Variants in RPS6KC1 observed in about 807,000 individuals in gnomAD.
The protein encoded by RPS6KC1 is inactive ribosomal protein S6 kinase delta-1.
RPS6KC1 carries 54 observed loss-of-function variants against 103.8 expected under a neutral mutation model. The ratio of observed to expected loss-of-function variants is 0.52; its 90% CI spans 0.42 to 0.65. The LOEUF (loss-of-function observed/expected upper bound fraction) is 0.65, where lower values mean the gene tolerates loss of function less well. Ranked by LOEUF, RPS6KC1 falls within the 30% of genes least tolerant of loss-of-function variation. RPS6KC1 has a pLI of 0.00. For missense variants in RPS6KC1, 1,151 were observed against 1,253.8 expected (o/e 0.92, Z 1.24); for synonymous variants, 439 against 438.7 (o/e 1.00, Z -0.01).
the RPS6KC1 span, among the ~76,000 whole-genome samples, chr1:213,338,061 A>C: frequency 6.6e-6 from 1 of 152,158 alleles, no homozygotes; most frequent in African/African-American, 2.4e-5. Flanking sequence ...AACCAAGAGG[A>C]GTGAACTCTT....
At chr1:213,331,591 G>A in the RPS6KC1 span, among the ~76,000 whole-genome samples, 135 of 152,322 alleles carry the variant, frequency 8.9e-4, 1 homozygote, top group African/African-American at 3.1e-3. Context: ...CTGCACCTGC[G>A]TCCTGTGCAC....
the RPS6KC1 span, among the ~76,000 whole-genome samples, chr1:213,617,610 T>C: frequency 6.6e-6 from 1 of 152,226 alleles, no homozygotes. Flanking sequence ...AGGAGGATTT[T>C]ATTTTTAAGG....
chr1:213,637,185 A>G, the RPS6KC1 span, among the ~76,000 whole-genome samples: 3 of 152,192 alleles, frequency 2.0e-5, no homozygotes, highest in Non-Finnish European at 2.9e-5. Flanking sequence ...TAGTTCAACC[A>G]TTGTGGAAGA....
the RPS6KC1 span, among the ~76,000 whole-genome samples, chr1:213,628,916 G>T: frequency 6.6e-6 from 1 of 152,126 alleles, no homozygotes; most frequent in Non-Finnish European, 1.5e-5. Context: ...TTAACCCTGA[G>T]TTCTGGTTTG....
the RPS6KC1 span, among the ~76,000 whole-genome samples, chr1:213,721,255 A>G: frequency 6.6e-6 from 1 of 152,152 alleles, no homozygotes; most frequent in Admixed American, 6.5e-5. Flanking sequence ...CTTCTTCAGC[A>G]TGTGATGTGG....
At chr1:213,603,571 T>A in the RPS6KC1 span, among the ~76,000 whole-genome samples, 8 of 152,074 alleles carry the variant, frequency 5.3e-5, no homozygotes, top group Non-Finnish European at 1.5e-5. Context: ...AGAATTTTTT[T>A]TTTTCTGGCC....
At chr1:213,140,984 C>G (rs772750721) in intron 6 of RPS6KC1, among the ~76,000 whole-genome samples, 31 of 151,722 alleles carry the variant, frequency 2.0e-4, no homozygotes, top group Non-Finnish European at 4.0e-4. Context: ...GCAACCTCCC[C>G]CTCCCGGGTT....
At chr1:213,845,590 T>G in the RPS6KC1 span, among the ~76,000 whole-genome samples, 1 of 152,332 alleles carries the variant, frequency 6.6e-6, no homozygotes, top group South Asian at 2.1e-4. Context: ...TAATACTATG[T>G]AACATTTTGG....
chr1:213,282,028 G>C, the RPS6KC1 span, among the ~76,000 whole-genome samples: 1 of 152,136 alleles, frequency 6.6e-6, no homozygotes, highest in Admixed American at 6.5e-5. Context: ...AGAATCCCTA[G>C]CCAGACTGAG....
chr1:213,244,315 A>T (rs909006083), intron 12 of RPS6KC1, among the ~76,000 whole-genome samples: 27 of 152,248 alleles, frequency 1.8e-4, no homozygotes, highest in African/African-American at 6.3e-4. Flanking sequence ...TTTAGAATCA[A>T]ACTTAATTTG....
the RPS6KC1 span, among the ~76,000 whole-genome samples, chr1:213,778,590 G>A: frequency 6.6e-6 from 1 of 151,822 alleles, no homozygotes; most frequent in Non-Finnish European, 1.5e-5. Context: ...CCATCTGGTT[G>A]TTTAGGTGAG....
chr1:213,093,687 T>C (rs1418384434), intron 3 of RPS6KC1, among the ~76,000 whole-genome samples: 1 of 152,210 alleles, frequency 6.6e-6, no homozygotes, highest in Non-Finnish European at 1.5e-5. Flanking sequence ...GTTAACTATT[T>C]ACTGCCAGTG....
At chr1:213,750,934 A>T in the RPS6KC1 span, among the ~76,000 whole-genome samples, 1 of 152,200 alleles carries the variant, frequency 6.6e-6, no homozygotes, top group Non-Finnish European at 1.5e-5. Flanking sequence ...TCAGAAGAAG[A>T]ATTAAGAATG....
chr1:213,425,459 G>C, the RPS6KC1 span, among the ~76,000 whole-genome samples: 3 of 152,274 alleles, frequency 2.0e-5, no homozygotes, highest in East Asian at 5.8e-4. Context: ...CTTGTTTAAG[G>C]ATTCTGACCC....
chr1:213,832,064 G>T, the RPS6KC1 span, among the ~76,000 whole-genome samples: 1 of 152,128 alleles, frequency 6.6e-6, no homozygotes, highest in South Asian at 2.1e-4. Context: ...CCATGTATTT[G>T]GTCTGTGGTA....
chr1:213,362,148 G>T, the RPS6KC1 span, among the ~76,000 whole-genome samples: 3 of 152,188 alleles, frequency 2.0e-5, no homozygotes. Context: ...TTGTACCGAG[G>T]GAGAGGGGCA....
chr1:213,654,842 G>A, the RPS6KC1 span, among the ~76,000 whole-genome samples: 1 of 152,112 alleles, frequency 6.6e-6, no homozygotes, highest in Non-Finnish European at 1.5e-5. Flanking sequence ...AGACAAAGCG[G>A]GTGAGGTACT....
the RPS6KC1 span, among the ~76,000 whole-genome samples, chr1:213,695,858 C>CTAGGGA: frequency 1.3e-5 from 2 of 152,196 alleles, no homozygotes; most frequent in South Asian, 2.1e-4. Context: ...GTTAAAACAG[C>CTAGGGA]TAGGGACATT....
At chr1:213,344,150 C>T in the RPS6KC1 span, among the ~76,000 whole-genome samples, 1 of 152,018 alleles carries the variant, frequency 6.6e-6, no homozygotes, top group African/African-American at 2.4e-5. Flanking sequence ...GAGGAAGATA[C>T]AAAACCCAAT....
Sources: gnomAD v4.1 joint callset for allele counts (sites outside exome capture counted in the v4.1 genomes callset) on GRCh38, gnomAD v4.1.1 for gene constraint, MANE v1.5 for transcripts, NCBI Gene and HGNC (gene_info 2026-07-23, HGNC 2026-07-21) for gene names.